The following VWF variants were observed in gnomAD, a reference collection of about 807,000 sequenced individuals.
VWF encodes the protein Factor VIII related antigen.
Under a neutral mutation model 308.6 loss-of-function variants are expected in VWF, and 176 were observed. The ratio of observed to expected loss-of-function variants is 0.57; its 90% confidence interval spans 0.50 to 0.65. The LOEUF is 0.65. VWF is among the 30% of genes least tolerant of loss of function. The probability of loss-of-function intolerance (pLI) is 0.00; values close to 1 mark genes in which losing one functional copy is unlikely to be tolerated. For missense variants in VWF, 3,146 were observed against 3,648.2 expected (o/e 0.86, Z 3.55); for synonymous variants, 1,385 against 1,443.4 (o/e 0.96, Z 0.92).
chr12:6,063,150 G>A lies in VWF; in HGVS notation c.1433-96C>T, dbSNP rs554845679. On this transcript the variant is annotated intron_variant, in intron 12 of 51. Coordinates refer to ENST00000261405, the MANE Select transcript of VWF (RefSeq NM_000552.5). The surrounding 1 kb of genome is among the most constrained non-coding windows in gnomAD (Gnocchi z 4.9). ...GGGAGGAAATGGGGTGTCTCAAAAG[G>A]ATGGTAGCACTGAAGAGCAATGACT... is the stretch of plus-strand genomic sequence containing the variant. 9.9e-7 allele frequency: 1 copy of A among 1,013,452 alleles called. No individual in the cohort carries two copies. The highest frequency in any genetic ancestry group is 1.5e-5 in the African/African-American group (1 of 64,664). 62.8% of individuals were successfully genotyped at this position (1,013,452 alleles called of 1,614,324 possible). A position where few individuals can be genotyped will look rare whatever the true frequency, so the allele number is the denominator to read the frequency against.
In VWF at chr12:6,123,128, C is replaced by T; in HGVS notation, c.55+14G>A. On this transcript the variant is annotated intron_variant, in intron 2 of 51. Transcript: ENST00000261405. ...TGGGGCAGGAATGAGAAATGGAGGCCCTTTTGTACCTACCTGGCAAAATGA... is the reference window on the plus strand; with the variant it reads ...TGGGGCAGGAATGAGAAATGGAGGCTCTTTTGTACCTACCTGGCAAAATGA... 1.2e-6 allele frequency: 2 copies of T among 1,614,120 alleles called. No homozygotes were observed. The highest frequency in any genetic ancestry group is 1.7e-6 in the Non-Finnish European group (2 of 1,180,008).
At chr12:5,974,426 T>C (rs1943510431) in intron 43 of VWF, among the ~76,000 whole-genome samples, 1 of 152,102 alleles carries the variant, frequency 6.6e-6, no homozygotes, top group Non-Finnish European at 1.5e-5. Flanking sequence ...TCCCTACTCA[T>C]CTTCTTTTTG....
intron 6 of VWF, among the ~76,000 whole-genome samples, chr12:6,088,784 C>T (rs1945001410): frequency 6.6e-6 from 1 of 152,194 alleles, no homozygotes; most frequent in Non-Finnish European, 1.5e-5. Flanking sequence ...GCTCCAAACT[C>T]CAACCATCTT....
rs1406902030 is a variant in VWF at position 6,046,753 on chromosome 12, C to T, written c.2251G>A (p.Ala751Thr). 7 of 1,614,156 alleles carry T rather than the reference C, an allele frequency of 4.3e-6. No homozygotes were observed. The Admixed American group carries it at 5.0e-5, about 12-fold the overall frequency. ...SGVPGSLLPD[A>T]VLSSPLSHRS... The stretch of plus-strand genomic sequence containing the variant: ...TGAGACAGGGGACTGCTGAGGACAG[C>T]GTCAGGCAGCAAGCTTCCGGGGACT... Residue 751 changes from alanine to threonine, a missense_variant, in exon 17 of 52, where the codon GCT becomes ACT. This residue lies in a region of VWF where 1,304 missense variants were observed against 1,353.0 expected (regional missense o/e 0.96). Coordinates refer to ENST00000261405, the MANE Select transcript of VWF (RefSeq NM_000552.5). This position sits in a 1 kb window ranked among gnomAD's most constrained non-coding sequence, Gnocchi z 5.0.
chr12:6,105,245 T>C (rs1388536139), intron 5 of VWF, among the ~76,000 whole-genome samples: 1 of 152,204 alleles, frequency 6.6e-6, no homozygotes, highest in East Asian at 1.9e-4. Context: ...AATTTTTTTT[T>C]TGAGACAGAG....
intron 31 of VWF, among the ~76,000 whole-genome samples, chr12:6,014,732 A>G (rs1018191381): frequency 6.6e-6 from 1 of 152,236 alleles, no homozygotes; most frequent in African/African-American, 2.4e-5. Context: ...AAAGTCAAAG[A>G]TGTATAAATG....
intron 18 of VWF, among the ~76,000 whole-genome samples, chr12:6,042,463 C>T (rs1047537605): frequency 6.6e-6 from 1 of 152,234 alleles, no homozygotes; most frequent in African/African-American, 2.4e-5. Context: ...CTGCAGGCGG[C>T]ACGCTGCGCA....
chr12:5,985,140 C>T (rs751932568), intron 39 of VWF, 21 bp from the exon 40 acceptor site: 4 of 1,613,214 alleles, frequency 2.5e-6, no homozygotes, highest in Middle Eastern at 1.7e-4. Context: ...GGAACGGCCA[C>T]AAAAGTCAGA....
intron 6 of VWF, among the ~76,000 whole-genome samples, chr12:6,084,894 C>G (rs1944951586): frequency 1.3e-5 from 2 of 152,118 alleles, no homozygotes; most frequent in Middle Eastern, 3.2e-3. Flanking sequence ...GTAGCTGATT[C>G]TATTTATAAC....
At chr12:5,977,785 G>A (rs574681249) in intron 42 of VWF, among the ~76,000 whole-genome samples, 11 of 151,494 alleles carry the variant, frequency 7.3e-5, no homozygotes, top group South Asian at 4.2e-4. Flanking sequence ...GGGGAGGATC[G>A]TCTGAGCCTA....
intron 41 of VWF, 73 bp from the exon 42 acceptor site, chr12:5,982,064 G>A: frequency 6.9e-7 from 1 of 1,450,236 alleles, no homozygotes; most frequent in East Asian, 2.3e-5. Context: ...ATGCTATAGG[G>A]TGCCAGGGAG....
chr12:6,085,999 G>A (rs915620617), intron 6 of VWF, among the ~76,000 whole-genome samples: 2 of 152,132 alleles, frequency 1.3e-5, no homozygotes, highest in Non-Finnish European at 1.5e-5. Context: ...GGGAACAGTG[G>A]CCAAGGTCAC....
chr12:6,023,751 C>G lies in VWF; in HGVS notation c.3259G>C (p.Asp1087His). The part of the protein sequence containing the change: ...PEPYLDVCIY[D>H]TCSCESIGDC... ...CCAATGGACTCACAGGAGCAGGTGT[C>G]GTAAATGCAGACATCCAGATATGGC... is the stretch of plus-strand genomic sequence containing the variant. Residue 1087 changes from aspartate (D) to histidine (H), a missense_variant, in exon 25 of 52, where the codon GAC becomes CAC. Asp to His is a moderately conservative substitution (Grantham distance 81). Coordinates refer to ENST00000261405, the MANE Select transcript of VWF (RefSeq NM_000552.5). 6.2e-7 allele frequency: 1 copy of G among 1,613,194 alleles called. No homozygotes were observed. The highest frequency in any genetic ancestry group is 8.5e-7 in the Non-Finnish European group (1 of 1,179,986).
chr12:5,960,557 A>C (rs890979205), intron 47 of VWF, among the ~76,000 whole-genome samples: 3 of 152,152 alleles, frequency 2.0e-5, no homozygotes, highest in Non-Finnish European at 2.9e-5. Flanking sequence ...GAAACCTAAC[A>C]CTCTTAACAT....
intron 5 of VWF, among the ~76,000 whole-genome samples, chr12:6,102,483 T>A (rs1945175559): frequency 6.6e-6 from 1 of 151,946 alleles, no homozygotes; most frequent in South Asian, 2.1e-4. Flanking sequence ...ACACCTGTAA[T>A]CCCAGCACTG....
chr12:5,983,641 TGATA>T (rs1943637863), intron 40 of VWF, among the ~76,000 whole-genome samples: 1 of 151,848 alleles, frequency 6.6e-6, no homozygotes, highest in Non-Finnish European at 1.5e-5. Context: ...ATAGAATAGA[TGATA>T]GATACATATG....
intron 19 of VWF, 63 bp downstream of exon 19, chr12:6,036,325 G>C: frequency 6.7e-7 from 1 of 1,484,096 alleles, no homozygotes; most frequent in South Asian, 1.1e-5. Context: ...TCCTGTGGCC[G>C]CGTGCACCCT....
chr12:6,007,331 G>A (rs1212145737), intron 34 of VWF, among the ~76,000 whole-genome samples: 3 of 152,114 alleles, frequency 2.0e-5, no homozygotes, highest in African/African-American at 7.2e-5. Context: ...GCTAGCCCAC[G>A]AAACAAATCT....
At chr12:5,991,705 G>T in intron 38 of VWF, 114 bp downstream of exon 38, 2 of 1,149,802 alleles carry the variant, frequency 1.7e-6, no homozygotes, top group South Asian at 1.3e-5. Flanking sequence ...AATGATCCCC[G>T]TAAGAGTCAA....
Sources: allele counts gnomAD v4.1 joint callset (sites outside exome capture counted in the v4.1 genomes callset), GRCh38; gene constraint gnomAD v4.1.1; regional missense constraint gnomAD v4.1.1; non-coding constraint Gnocchi (gnomAD v3.1); transcripts MANE v1.5; gene names NCBI Gene and HGNC (gene_info 2026-07-23, HGNC 2026-07-21).